Variants in TASP1 observed in about 807,000 individuals in gnomAD.
The protein encoded by TASP1 is taspase 1.
In TASP1, 16 loss-of-function variants were observed where a neutral mutation model predicts 56.6. The ratio of observed to expected loss-of-function variants is 0.28; its 90% CI spans 0.19 to 0.43. The LOEUF (loss-of-function observed/expected upper bound fraction) is 0.43, where lower values mean the gene tolerates loss of function less well. Ranked by LOEUF, TASP1 falls within the 20% of genes least tolerant of loss-of-function variation. The pLI, the probability that TASP1 is intolerant of heterozygous loss-of-function variation, is 1.00. For missense variants in TASP1, 393 were observed against 511.6 expected (o/e 0.77, Z 2.24); for synonymous variants, 179 against 184.2 (o/e 0.97, Z 0.23).
the TASP1 span, among the ~76,000 whole-genome samples, chr20:13,162,935 C>G: frequency 6.6e-6 from 1 of 152,150 alleles, no homozygotes; most frequent in Non-Finnish European, 1.5e-5. Context: ...AGAAACCTAA[C>G]TCTGAGCACG....
chr20:13,177,339 T>A, the TASP1 span, among the ~76,000 whole-genome samples: 1 of 152,014 alleles, frequency 6.6e-6, no homozygotes, highest in African/African-American at 2.4e-5. Flanking sequence ...AACATACTAC[T>A]CAAAGGAATC....
intron 4 of TASP1, chr20:13,614,835 T>C (rs868643333): frequency 2.1e-6 from 1 of 470,736 alleles, no homozygotes; most frequent in Middle Eastern, 3.3e-4. Context: ...AGGAAGAGGT[T>C]AGTTAGCACA....
the TASP1 span, among the ~76,000 whole-genome samples, chr20:13,337,533 A>G: frequency 6.6e-6 from 1 of 152,090 alleles, no homozygotes; most frequent in Non-Finnish European, 1.5e-5. Flanking sequence ...ATTGCCACTA[A>G]GAGGCCCCTG....
chr20:13,236,229 T>C, the TASP1 span, among the ~76,000 whole-genome samples: 1 of 152,274 alleles, frequency 6.6e-6, no homozygotes, highest in Admixed American at 6.5e-5. Flanking sequence ...GTCTCGGCCA[T>C]CCTTCTAACA....
At chr20:13,339,619 A>AT in the TASP1 span, among the ~76,000 whole-genome samples, 43 of 151,626 alleles carry the variant, frequency 2.8e-4, no homozygotes, top group East Asian at 7.7e-4. Flanking sequence ...CTTACATGTG[A>AT]TTTTTTTTTG....
intron 11 of TASP1, among the ~76,000 whole-genome samples, chr20:13,439,663 A>T (rs2043145644): frequency 6.6e-6 from 1 of 152,220 alleles, no homozygotes. Context: ...TAATTAAAAA[A>T]GAAAAAAGAA....
At chr20:13,166,521 T>A in the TASP1 span, 1 of 152,214 alleles carries the variant, frequency 6.6e-6, no homozygotes, top group Non-Finnish European at 1.5e-5. Context: ...ATGATTTTGA[T>A]AACAAAATTC....
the TASP1 span, among the ~76,000 whole-genome samples, chr20:13,174,055 C>T: frequency 6.6e-5 from 10 of 152,180 alleles, no homozygotes; most frequent in Non-Finnish European, 1.2e-4. Flanking sequence ...CACAACAATT[C>T]ATTCCTGCCC....
At chr20:13,167,808 T>G in the TASP1 span, 1 of 152,198 alleles carries the variant, frequency 6.6e-6, no homozygotes, top group Non-Finnish European at 1.5e-5. Context: ...ATAGTTGTAG[T>G]GCCCAGGAAT....
At chr20:13,596,006 C>T in intron 4 of TASP1, among the ~76,000 whole-genome samples, 1 of 152,168 alleles carries the variant, frequency 6.6e-6, no homozygotes, top group East Asian at 1.9e-4. Flanking sequence ...TGTAAAAGAA[C>T]AGAAATCACA....
At chr20:13,629,896 A>G in intron 2 of TASP1, 38 bp downstream of exon 2, 1 of 1,609,658 alleles carries the variant, frequency 6.2e-7, no homozygotes, top group South Asian at 1.1e-5. Flanking sequence ...AGAAAAATCA[A>G]CATTATTGGC....
At chr20:13,162,357 C>T in the TASP1 span, among the ~76,000 whole-genome samples, 1 of 152,138 alleles carries the variant, frequency 6.6e-6, no homozygotes, top group African/African-American at 2.4e-5. Flanking sequence ...TGATTCTCTT[C>T]ACAACTTCTT....
the TASP1 span, among the ~76,000 whole-genome samples, chr20:13,232,671 C>G: frequency 6.6e-6 from 1 of 152,198 alleles, no homozygotes; most frequent in Non-Finnish European, 1.5e-5. Flanking sequence ...GATCATATAG[C>G]AGTTGTATGT....
chr20:13,508,613 T>A (rs912553341), intron 10 of TASP1, among the ~76,000 whole-genome samples: 24 of 152,222 alleles, frequency 1.6e-4, no homozygotes, highest in African/African-American at 5.3e-4. Flanking sequence ...ATCCAAAATA[T>A]ATAAGGACCT....
chr20:13,458,979 T>G (rs1308731175), intron 11 of TASP1, among the ~76,000 whole-genome samples: 1 of 152,146 alleles, frequency 6.6e-6, no homozygotes, highest in Admixed American at 6.5e-5. Flanking sequence ...ACAAGGATAG[T>G]GTCTTCTACT....
chr20:13,399,773 C>T (rs1049012127), intron 13 of TASP1, among the ~76,000 whole-genome samples: 2 of 152,192 alleles, frequency 1.3e-5, no homozygotes, highest in African/African-American at 2.4e-5. Context: ...TCATTACTCC[C>T]CAGTGGCTCC....
chr20:13,526,108 A>G (rs993389228), intron 10 of TASP1, among the ~76,000 whole-genome samples: 2 of 152,182 alleles, frequency 1.3e-5, no homozygotes, highest in African/African-American at 4.8e-5. Context: ...TCCATGGAGT[A>G]TGTTCTTATT....
At chr20:13,193,203 T>C in the TASP1 span, among the ~76,000 whole-genome samples, 1 of 152,090 alleles carries the variant, frequency 6.6e-6, no homozygotes, top group Non-Finnish European at 1.5e-5. Context: ...CAAAGAGAAA[T>C]ACACTGAGAA....
At chr20:13,393,725 C>T in intron 13 of TASP1, 1 of 873,218 alleles carries the variant, frequency 1.1e-6, no homozygotes, top group Non-Finnish European at 1.8e-6. Context: ...GAGAGAGGCC[C>T]TCAGCTGCTG....
Sources: allele counts gnomAD v4.1 joint callset (sites outside exome capture counted in the v4.1 genomes callset), GRCh38; gene constraint gnomAD v4.1.1; transcripts MANE v1.5; gene names NCBI Gene and HGNC (gene_info 2026-07-23, HGNC 2026-07-21).